DOCK10: variants seen among roughly 807,000 people sequenced by gnomAD.
DOCK10 encodes dedicator of cytokinesis 10.
In DOCK10, 145 loss-of-function variants were observed where a neutral mutation model predicts 280.1. The ratio of observed to expected loss-of-function variants is 0.52; its 90% CI spans 0.45 to 0.59. The LOEUF (loss-of-function observed/expected upper bound fraction) is 0.59. DOCK10 is among the 20% of genes least tolerant of loss of function. DOCK10 has a pLI of 0.00. For missense variants in DOCK10, 2,368 were observed against 2,651.7 expected (o/e 0.89, Z 2.35); for synonymous variants, 915 against 942.2 (o/e 0.97, Z 0.53).
At chr2:224,895,839 G>GTATATATA (rs1212771046) in intron 4 of DOCK10, among the ~76,000 whole-genome samples, 1 of 116,190 alleles carries the variant, frequency 8.6e-6, no homozygotes, top group Non-Finnish European at 1.7e-5. Context: ...GTGCGTGTGT[G>GTATATATA]TGTATATATA....
chr2:225,003,055 A>G (rs1323752715), intron 1 of DOCK10, among the ~76,000 whole-genome samples: 1 of 151,980 alleles, frequency 6.6e-6, no homozygotes, highest in Non-Finnish European at 1.5e-5. Flanking sequence ...TTTTTATTTT[A>G]TTCTATTTTA....
At chr2:224,837,953 A>G in intron 24 of DOCK10, 122 bp from the exon 25 acceptor site, 2 of 747,512 alleles carry the variant, frequency 2.7e-6, no homozygotes, top group Non-Finnish European at 4.7e-6. Context: ...GAATGAACCA[A>G]TCTCTGACTC....
chr2:224,829,107 C>A (rs1695056166), intron 27 of DOCK10, among the ~76,000 whole-genome samples: 1 of 152,216 alleles, frequency 6.6e-6, no homozygotes, highest in South Asian at 2.1e-4. Flanking sequence ...GGCTACTGTA[C>A]ACTGAGAAGA....
chr2:224,959,161 G>A (rs139708887), intron 1 of DOCK10, among the ~76,000 whole-genome samples: 44 of 152,242 alleles, frequency 2.9e-4, no homozygotes, highest in Middle Eastern at 6.8e-3. Flanking sequence ...GCCATGATAA[G>A]CCATTTCTTT....
At chr2:224,966,112 ACT>A (rs996249044) in intron 1 of DOCK10, among the ~76,000 whole-genome samples, 64 of 152,178 alleles carry the variant, frequency 4.2e-4, no homozygotes, top group African/African-American at 1.3e-3. Context: ...GGCACAACAG[ACT>A]CTCTGACGCC....
At position 224,870,397 on chromosome 2, in the gene DOCK10, A is replaced by G. The variant is rs530327502; in HGVS notation, c.1257+3599T>C. Among the ~76,000 whole-genome samples the G allele has an allele frequency of 3.3e-5, 5 of 152,292 alleles. No individual in the cohort carries two copies. In the South Asian group the frequency reaches 1.0e-3, roughly 32 times the overall value. On this transcript the variant is annotated intron_variant, in intron 11 of 55. Coordinates refer to ENST00000258390, the MANE Select transcript of DOCK10 (RefSeq NM_014689.3). ...AAATGGTTTCAAGGACTAAGTTTCT[A>G]GATTTTTGTTTTGTTTTTATTTTAA...
chr2:224,814,627 T>A lies in DOCK10; in HGVS notation c.3365-263A>T, dbSNP rs192737520. On this transcript the variant is annotated intron_variant, in intron 30 of 55. Transcript: ENST00000258390. ...ACCTCTGCCTCCTGGATTCAAGCGA[T>A]TTTCCTGCCTCAGTCTCCCAAGTAG... Among the ~76,000 whole-genome samples the A allele has an allele frequency of 3.9e-3, 590 of 152,252 alleles. 2 individuals are homozygous for A. Among genetic ancestry groups the A allele is most frequent in the Non-Finnish European group, 4.7e-3 (318 of 68,018 alleles).
intron 4 of DOCK10, among the ~76,000 whole-genome samples, chr2:224,889,780 G>T (rs1473673906): frequency 6.6e-6 from 1 of 152,160 alleles, no homozygotes; most frequent in Non-Finnish European, 1.5e-5. Context: ...AACATGCTCT[G>T]AACAAGAAGC....
chr2:225,032,291 T>C (rs1049421032), intron 1 of DOCK10, among the ~76,000 whole-genome samples: 50 of 152,098 alleles, frequency 3.3e-4, no homozygotes, highest in Non-Finnish European at 6.0e-4. Context: ...TTCCTAATGA[T>C]AAAAAGATAC....
rs1328965141 is a variant in DOCK10, at chr2:224,794,169, G to T, written c.5154+710C>A. ...TAAATTGCTGCCAAGCCAGCCTTCT[G>T]GTTTCCATTCCAGAGTCCCTGATTA... On this transcript the variant is annotated intron_variant, in intron 45 of 55. Coordinates refer to ENST00000258390, the MANE Select transcript of DOCK10 (RefSeq NM_014689.3). Among the ~76,000 whole-genome samples the T allele has an allele frequency of 5.3e-5, 8 of 152,194 alleles. No homozygotes were observed. In the East Asian group the frequency reaches 1.3e-3, roughly 26 times the overall value.
intron 2 of DOCK10, among the ~76,000 whole-genome samples, chr2:224,930,200 T>TAA (rs749672431): frequency 3.5e-4 from 32 of 92,246 alleles, no homozygotes; most frequent in Middle Eastern, 5.6e-3. Flanking sequence ...TGACACTCGG[T>TAA]AAAAAAAAAA....
intron 3 of DOCK10, among the ~76,000 whole-genome samples, chr2:224,904,744 T>C (rs1395872229): frequency 5.3e-5 from 8 of 152,224 alleles, no homozygotes; most frequent in Non-Finnish European, 1.2e-4. Context: ...CAAAAATTAG[T>C]ATGAAGCATA....
chr2:224,840,312 G>GT, intron 23 of DOCK10: 2 of 331,412 alleles, frequency 6.0e-6, no homozygotes, highest in Non-Finnish European at 1.1e-5. Flanking sequence ...ATGGAGTAAA[G>GT]AGACAACTTT....
At chr2:224,868,655 G>A (rs912766760) in intron 11 of DOCK10, among the ~76,000 whole-genome samples, 1 of 152,020 alleles carries the variant, frequency 6.6e-6, no homozygotes, top group African/African-American at 2.4e-5. Flanking sequence ...CTTAATATTA[G>A]CAATACTTGC....
At chr2:224,837,405 G>C (rs1313970555) in intron 25 of DOCK10, among the ~76,000 whole-genome samples, 4 of 152,228 alleles carry the variant, frequency 2.6e-5, no homozygotes, top group African/African-American at 9.6e-5. Flanking sequence ...AGGAAACACA[G>C]AGCATTCAAC....
intron 1 of DOCK10, among the ~76,000 whole-genome samples, chr2:224,995,259 A>G (rs1050592348): frequency 6.6e-6 from 1 of 152,228 alleles, no homozygotes; most frequent in African/African-American, 2.4e-5. Flanking sequence ...GTTGGTCTAT[A>G]GTTTAGTCCC....
intron 1 of DOCK10, among the ~76,000 whole-genome samples, chr2:224,947,747 G>A (rs185826580): frequency 1.3e-5 from 2 of 152,152 alleles, no homozygotes; most frequent in African/African-American, 4.8e-5. Flanking sequence ...CTCCATCACA[G>A]TCACTGACAC....
chr2:224,770,887 A>AT lies in DOCK10; in HGVS notation c.6205-243dup, dbSNP rs139760578. ...TTCAGTCCTTTGCCAACCCCTTCACATTTTTTTTTTTTGTCATATCTGTAC... is the reference window on the plus strand; with the variant it reads ...TTCAGTCCTTTGCCAACCCCTTCACATTTTTTTTTTTTTGTCATATCTGTAC... On this transcript the variant is annotated intron_variant, in intron 53 of 55. Coordinates refer to ENST00000258390, the MANE Select transcript of DOCK10 (RefSeq NM_014689.3). This position sits in a 1 kb window ranked among gnomAD's most constrained non-coding sequence, Gnocchi z 4.5. 0.027 allele frequency among the ~76,000 whole-genome samples: 3,772 copies of AT among 141,986 alleles called. 118 individuals are homozygous for AT. Among genetic ancestry groups the AT allele is most frequent in the African/African-American group, 0.079 (3,114 of 39,190 alleles). The allele number at this position is 141,986 out of a possible 152,430, so 93.1% of individuals were successfully genotyped here.
intron 50 of DOCK10, among the ~76,000 whole-genome samples, chr2:224,780,677 G>A (rs899339470): frequency 3.3e-5 from 5 of 151,944 alleles, no homozygotes; most frequent in Admixed American, 6.6e-5. Context: ...CGAGGTGGGC[G>A]GATCACAAAG....
Sources: allele counts gnomAD v4.1 joint callset (sites outside exome capture counted in the v4.1 genomes callset), GRCh38; gene constraint gnomAD v4.1.1; non-coding constraint Gnocchi (gnomAD v3.1); transcripts MANE v1.5; gene names NCBI Gene and HGNC (gene_info 2026-07-23, HGNC 2026-07-21).